The following WDR64 variants were observed in gnomAD, a reference collection of about 807,000 sequenced individuals.
WDR64 encodes WD repeat-containing protein 64.
Under a neutral mutation model 139.3 loss-of-function variants are expected in WDR64, and 112 were observed. That is an observed-to-expected ratio of 0.80 (90% CI 0.69 to 0.94). WDR64 has a LOEUF of 0.94. Ranked by LOEUF, WDR64 falls within the 40% of genes least tolerant of loss-of-function variation. WDR64 has a pLI of 0.00. For missense variants in WDR64, 1,206 were observed against 1,293.1 expected, an observed-to-expected ratio of 0.93 and a Z score of 1.03; for synonymous variants, 444 against 437.7, an observed-to-expected ratio of 1.01 and a Z score of -0.18.
intron 23 of WDR64, among the ~76,000 whole-genome samples, chr1:241,786,661 G>A (rs1413613975): frequency 6.6e-6 from 1 of 152,184 alleles, no homozygotes; most frequent in East Asian, 1.9e-4. Context: ...AGCAGCATGA[G>A]ATCCCTCCTC....
intron 1 of WDR64, among the ~76,000 whole-genome samples, chr1:241,658,884 G>A (rs1665716317): frequency 2.8e-5 from 4 of 140,808 alleles, no homozygotes; most frequent in African/African-American, 1.0e-4. Context: ...GACTGATTAT[G>A]TTTGTAAACA....
At chr1:241,745,603 G>A (rs1574063581) in intron 13 of WDR64, among the ~76,000 whole-genome samples, 1 of 145,062 alleles carries the variant, frequency 6.9e-6, no homozygotes, top group African/African-American at 2.9e-5. Context: ...AGGTACATAC[G>A]TTAAATTTAT....
In WDR64 at chr1:241,687,502, G is replaced by C. The variant is rs369867512; in HGVS notation, c.881G>C (p.Arg294Thr). 6.2e-7 allele frequency: 1 copy of C among 1,613,842 alleles called. No individual in the cohort carries two copies. Residue 294 changes from arginine (R) to threonine (T), a missense_variant, in exon 8 of 28, where the codon AGA becomes ACA. Transcript: ENST00000437684. ...KLHNDWVMKI[R>T]YISALNCFGS... is the part of the protein sequence containing the mutation. Reference sequence around the variant, plus strand: ...CATAATGACTGGGTTATGAAAATTAGATATATTTCAGCCCTAAATTGTTTT... The same window carrying C: ...CATAATGACTGGGTTATGAAAATTACATATATTTCAGCCCTAAATTGTTTT...
chr1:241,701,347 A>G (rs567516175), intron 8 of WDR64, among the ~76,000 whole-genome samples: 184 of 152,270 alleles, frequency 1.2e-3, no homozygotes, highest in Non-Finnish European at 2.1e-3. Flanking sequence ...TGTTGTTTAT[A>G]TGTTTTTTTC....
chr1:241,673,257 C>G (rs909451382), intron 3 of WDR64, among the ~76,000 whole-genome samples: 1 of 151,862 alleles, frequency 6.6e-6, no homozygotes, highest in African/African-American at 2.4e-5. Context: ...GTGCAGCACA[C>G]CAACATGGCA....
chr1:241,762,305 C>CT (rs60911392), intron 15 of WDR64, among the ~76,000 whole-genome samples: 11,022 of 150,090 alleles, frequency 0.073, 1,351 homozygotes, highest in African/African-American at 0.25. Flanking sequence ...TGAAAGGAAT[C>CT]TTTTTTTTTT....
At chr1:241,773,700 T>A (rs1285744427) in intron 20 of WDR64, among the ~76,000 whole-genome samples, 6 of 152,104 alleles carry the variant, frequency 3.9e-5, no homozygotes, top group African/African-American at 1.4e-4. Context: ...ACTCCTGACC[T>A]CGTGATCCGC....
intron 11 of WDR64, among the ~76,000 whole-genome samples, chr1:241,739,729 C>T (rs948481028): frequency 1.6e-4 from 24 of 152,100 alleles, no homozygotes; most frequent in African/African-American, 5.8e-4. Context: ...AGATTTCTTC[C>T]CAATTTTGTA....
At chr1:241,695,237 A>C (rs1425480908) in intron 8 of WDR64, among the ~76,000 whole-genome samples, 1 of 152,228 alleles carries the variant, frequency 6.6e-6, no homozygotes, top group African/African-American at 2.4e-5. Context: ...TATTTATTAC[A>C]ATTTACCATT....
chr1:241,711,101 G>T (rs1286498459), intron 8 of WDR64, among the ~76,000 whole-genome samples: 1 of 152,176 alleles, frequency 6.6e-6, no homozygotes, highest in Non-Finnish European at 1.5e-5. Context: ...CCTGGGTGTG[G>T]TGGCACATGC....
At position 241,730,177 on chromosome 1, in the gene WDR64, T is replaced by G. The variant is rs576995642; in HGVS notation, c.1194+6741T>G. On this transcript the variant is annotated intron_variant, in intron 10 of 27. Coordinates refer to ENST00000437684, the MANE Select transcript of WDR64 (RefSeq NM_001367482.1). ...CTCAACTTGCAATACTTTTTGCTTA[T>G]GTGCAGGTCTTGTTGCTTTTTCTTT... Among the ~76,000 whole-genome samples, 48 of 152,352 alleles carry G rather than the reference T, an allele frequency of 3.2e-4. No homozygotes were observed. In the South Asian group the frequency reaches 4.3e-3, roughly 14 times the overall value.
chr1:241,679,503 G>A lies in WDR64; in HGVS notation c.532G>A (p.Gly178Arg), dbSNP rs1386480355. The A allele has an allele frequency of 6.4e-7, 1 of 1,551,978 alleles. No individual in the cohort carries two copies. The highest frequency in any genetic ancestry group is 2.0e-5 in the Admixed American group (1 of 51,006). The change falls in exon 6 of 28, where the codon GGG (glycine) becomes AGG (arginine). Residue 178 changes from glycine (G) to arginine (R), a missense_variant. By Grantham distance (125) the Gly-to-Arg change is moderately radical. Coordinates refer to ENST00000437684, the MANE Select transcript of WDR64 (RefSeq NM_001367482.1). ...CTATCAGGACACCTCCTGGATTACA[G>A]GGTGTGATTACCTCTTGCAGCTGAA... ...TNVTDTSWIT[G>R]CDYLLQLKRI...
Position 241,801,264 on chromosome 1 carries a change from A to C in WDR64, c.*49A>C. 1 of 1,463,648 alleles carries C rather than the reference A, an allele frequency of 6.8e-7. No homozygotes were observed. Among genetic ancestry groups the C allele is most frequent in the South Asian group, 1.1e-5 (1 of 87,718 alleles). The allele number at this position is 1,463,648 out of a possible 1,614,324, so 90.7% of individuals were successfully genotyped here. A position where few individuals can be genotyped will look rare whatever the true frequency, so the allele number is the denominator to read the frequency against. The stretch of plus-strand genomic sequence containing the variant: ...CTGCACATAAAATGGCAACGTTTGG[A>C]TGATACCTGCTCTTTATTTCAGGAT... On this transcript the variant is annotated 3_prime_UTR_variant, in exon 28 of 28. Coordinates refer to ENST00000437684, the MANE Select transcript of WDR64 (RefSeq NM_001367482.1).
intron 8 of WDR64, among the ~76,000 whole-genome samples, chr1:241,704,684 A>G (rs1667865906): frequency 1.3e-5 from 2 of 152,244 alleles, no homozygotes; most frequent in Admixed American, 1.3e-4. Context: ...AATTTTTAAA[A>G]TGGGAAGTAT....
chr1:241,702,656 C>T lies in WDR64; in HGVS notation c.975-9146C>T, dbSNP rs74150366. 4.5e-3 allele frequency among the ~76,000 whole-genome samples: 685 copies of T among 152,286 alleles called. 10 individuals are homozygous for T. Among genetic ancestry groups the T allele is most frequent in the African/African-American group, 0.016 (658 of 41,554 alleles). On this transcript the variant is annotated intron_variant, in intron 8 of 27. Transcript: ENST00000437684. ...AGCAAACTGTAGCCCAAGGCCAGATCCAATGAGTCACCTGTTTTTATAACA... is the reference window on the plus strand; with the variant it reads ...AGCAAACTGTAGCCCAAGGCCAGATTCAATGAGTCACCTGTTTTTATAACA...
chr1:241,664,041 G>T (rs908547854), intron 2 of WDR64, among the ~76,000 whole-genome samples: 1 of 152,182 alleles, frequency 6.6e-6, no homozygotes, highest in Non-Finnish European at 1.5e-5. Flanking sequence ...CAAATGAAGG[G>T]TGAAACAGTC....
At chr1:241,777,375 C>A (rs1475690271) in intron 21 of WDR64, among the ~76,000 whole-genome samples, 1 of 151,812 alleles carries the variant, frequency 6.6e-6, no homozygotes, top group Non-Finnish European at 1.5e-5. Context: ...GTGAGCAATG[C>A]TCTCGCTGCA....
rs941540037 is a variant in WDR64 at position 241,740,650 on chromosome 1, T to G, written c.1322-866T>G. 2.1e-5 allele frequency among the ~76,000 whole-genome samples: 3 copies of G among 142,420 alleles called. No homozygotes were observed. In the South Asian group the frequency reaches 6.6e-4, roughly 31 times the overall value. The allele number at this position is 142,420 out of a possible 152,430, so 93.4% of individuals were successfully genotyped here. A position where few individuals can be genotyped will look rare whatever the true frequency, so the allele number is the denominator to read the frequency against. On this transcript the variant is annotated intron_variant, in intron 11 of 27. Coordinates refer to ENST00000437684, the MANE Select transcript of WDR64 (RefSeq NM_001367482.1). Reference sequence around the variant, plus strand: ...TTGAGCCACAGGAATGCTCTGAGATTCTTTTTTTTTTTTTAATCTTAATTT... The same window carrying G: ...TTGAGCCACAGGAATGCTCTGAGATGCTTTTTTTTTTTTTAATCTTAATTT...
intron 10 of WDR64, among the ~76,000 whole-genome samples, chr1:241,724,287 C>T (rs1668718792): frequency 6.6e-6 from 1 of 152,082 alleles, no homozygotes; most frequent in African/African-American, 2.4e-5. Context: ...TGTAAAAATA[C>T]TGGTATATAG....
Sources: gnomAD v4.1 joint callset for allele counts (sites outside exome capture counted in the v4.1 genomes callset) on GRCh38, gnomAD v4.1.1 for gene constraint, MANE v1.5 for transcripts, NCBI Gene and HGNC (gene_info 2026-07-23, HGNC 2026-07-21) for gene names.